Variants in CTNNA3 observed in about 807,000 individuals in gnomAD.
CTNNA3 encodes the protein catenin alpha 3.
In CTNNA3, 76 loss-of-function variants were observed where a neutral mutation model predicts 95.7. The ratio of observed to expected loss-of-function variants is 0.79; its 90% CI spans 0.66 to 0.96. The LOEUF is 0.96. Ranked by LOEUF, CTNNA3 falls within the 40% of genes least tolerant of loss-of-function variation. The probability of loss-of-function intolerance (pLI) is 0.00; values close to 1 mark genes in which losing one functional copy is unlikely to be tolerated. For synonymous variants in CTNNA3, 431 were observed against 374.4 expected (o/e 1.15, Z -1.74); for missense variants, 1,191 against 1,089.8 (o/e 1.09, Z -1.31).
At chr10:66,602,220 C>A (rs1843953182) in intron 10 of CTNNA3, among the ~76,000 whole-genome samples, 2 of 151,804 alleles carry the variant, frequency 1.3e-5, no homozygotes, top group Admixed American at 6.6e-5. Context: ...AAGAAATAGT[C>A]AGACATTCTC....
chr10:66,048,532 G>A (rs573270575), intron 15 of CTNNA3, among the ~76,000 whole-genome samples: 44 of 152,216 alleles, frequency 2.9e-4, no homozygotes, highest in African/African-American at 8.9e-4. Context: ...AGGCTGAGAC[G>A]GGCGGATCAC....
chr10:66,162,508 G>A (rs561886866), intron 13 of CTNNA3, among the ~76,000 whole-genome samples: 10 of 152,156 alleles, frequency 6.6e-5, no homozygotes, highest in South Asian at 6.2e-4. Flanking sequence ...GAGTCTACCC[G>A]GCTACAGGCT....
rs144976433 is a variant in CTNNA3 at position 67,257,306 on chromosome 10, T to C, written c.580-37436A>G. On this transcript the variant is annotated intron_variant, in intron 5 of 17. Coordinates refer to ENST00000433211, the MANE Select transcript of CTNNA3 (RefSeq NM_013266.4). ...TGATTTTCTAACTCAAAAAGTAATC[T>C]GGAGAATAAAGTATGTAAAGACTCC... Among the ~76,000 whole-genome samples, 787 of 152,314 alleles carry C rather than the reference T, an allele frequency of 5.2e-3. 7 individuals are homozygous for C. The highest frequency in any genetic ancestry group is 0.018 in the African/African-American group (737 of 41,578).
intron 7 of CTNNA3, among the ~76,000 whole-genome samples, chr10:67,054,245 G>T (rs530710880): frequency 3.4e-4 from 52 of 152,146 alleles, no homozygotes; most frequent in African/African-American, 1.1e-3. Context: ...ATATAAATTT[G>T]TCAACAATGT....
intron 5 of CTNNA3, among the ~76,000 whole-genome samples, chr10:67,371,639 C>T (rs547042695): frequency 1.8e-4 from 27 of 152,202 alleles, no homozygotes; most frequent in South Asian, 4.2e-4. Flanking sequence ...TGATGGACAT[C>T]TGGGTTGGTT....
At chr10:67,027,074 G>A (rs553087510) in intron 7 of CTNNA3, among the ~76,000 whole-genome samples, 28 of 152,310 alleles carry the variant, frequency 1.8e-4, no homozygotes, top group African/African-American at 2.9e-4. Flanking sequence ...CTCTGAGAGC[G>A]TAGATTTTTG....
chr10:66,597,548 A>T (rs1418838315), intron 10 of CTNNA3, among the ~76,000 whole-genome samples: 5 of 128,346 alleles, frequency 3.9e-5, no homozygotes, highest in African/African-American at 9.0e-5. Context: ...ATATATATAT[A>T]TATATATTTA....
intron 1 of CTNNA3, among the ~76,000 whole-genome samples, chr10:67,745,638 T>A (rs1841371384): frequency 6.6e-6 from 1 of 151,756 alleles, no homozygotes; most frequent in Non-Finnish European, 1.5e-5. Flanking sequence ...TGTGCACATA[T>A]ACCCTAAAAC....
At chr10:66,126,992 G>T (rs10822727) in intron 13 of CTNNA3, among the ~76,000 whole-genome samples, 27,306 of 151,920 alleles carry the variant, frequency 0.18, 2,748 homozygotes, top group South Asian at 0.38. Context: ...AAAATGGCCG[G>T]GCGCGGTGGC....
intron 7 of CTNNA3, among the ~76,000 whole-genome samples, chr10:67,152,871 A>G (rs1054025193): frequency 1.6e-4 from 25 of 152,348 alleles, no homozygotes; most frequent in Non-Finnish European, 2.8e-4. Flanking sequence ...TATGAGAAAG[A>G]GAATGAAACT....
intron 9 of CTNNA3, among the ~76,000 whole-genome samples, chr10:66,757,319 A>G (rs1186832258): frequency 6.6e-6 from 1 of 152,148 alleles, no homozygotes; most frequent in Non-Finnish European, 1.5e-5. Context: ...ATTCATAACA[A>G]AATGCCCTTC....
At chr10:65,961,820 A>G (rs1055297466) in intron 17 of CTNNA3, among the ~76,000 whole-genome samples, 4 of 152,038 alleles carry the variant, frequency 2.6e-5, no homozygotes, top group African/African-American at 7.2e-5. Flanking sequence ...AGTGTAAGGA[A>G]TGTTTGCTTC....
chr10:67,467,600 A>G (rs981164063), intron 5 of CTNNA3, among the ~76,000 whole-genome samples: 16 of 152,306 alleles, frequency 1.1e-4, no homozygotes, highest in Middle Eastern at 3.4e-3. Flanking sequence ...TTAATCTAAC[A>G]TCTTAGAGAA....
intron 7 of CTNNA3, among the ~76,000 whole-genome samples, chr10:66,993,068 C>T (rs1238823055): frequency 6.6e-6 from 1 of 152,068 alleles, no homozygotes; most frequent in African/African-American, 2.4e-5. Flanking sequence ...TTCCGTTTCC[C>T]ATGGTATCAG....
chr10:67,571,100 G>A (rs1286093726), intron 3 of CTNNA3, among the ~76,000 whole-genome samples: 1 of 152,150 alleles, frequency 6.6e-6, no homozygotes, highest in African/African-American at 2.4e-5. Flanking sequence ...TCTCCACAGT[G>A]CCTCTCTAAT....
chr10:67,335,886 GT>G (rs1350953222), intron 5 of CTNNA3, among the ~76,000 whole-genome samples: 16 of 146,954 alleles, frequency 1.1e-4, no homozygotes, highest in South Asian at 2.2e-4. Flanking sequence ...CACAAATAGT[GT>G]TTTTTTTTTT....
intron 5 of CTNNA3, among the ~76,000 whole-genome samples, chr10:67,344,008 T>G (rs1842319420): frequency 6.6e-6 from 1 of 150,616 alleles, no homozygotes; most frequent in African/African-American, 2.4e-5. Flanking sequence ...ATGCTCATTC[T>G]ATACCCAGGT....
chr10:66,871,549 T>C (rs7084188), intron 7 of CTNNA3, among the ~76,000 whole-genome samples: 142,621 of 142,640 alleles, frequency 1, 71,301 homozygotes, highest in Middle Eastern at 1. Flanking sequence ...GCAACAAGAG[T>C]GAAACTCTGT....
At chr10:67,100,791 C>T (rs1472740494) in intron 7 of CTNNA3, among the ~76,000 whole-genome samples, 1 of 151,620 alleles carries the variant, frequency 6.6e-6, no homozygotes, top group Admixed American at 6.6e-5. Context: ...TATGAAGACA[C>T]ATTAATCTCA....
Sources: allele counts gnomAD v4.1 joint callset (sites outside exome capture counted in the v4.1 genomes callset), GRCh38; gene constraint gnomAD v4.1.1; transcripts MANE v1.5; gene names NCBI Gene and HGNC (gene_info 2026-07-23, HGNC 2026-07-21).